Variants in MAST2 observed in about 807,000 individuals in gnomAD.
MAST2 encodes microtubule-associated serine/threonine-protein kinase 2.
In MAST2, 70 loss-of-function variants were observed where a neutral mutation model predicts 147.4. The observed-to-expected ratio is 0.47, with a 90% CI of 0.39 to 0.58. The LOEUF is 0.58. MAST2 is among the 20% of genes least tolerant of loss of function. The pLI is 0.00. For missense variants in MAST2, 2,080 were observed against 2,302.3 expected, an observed-to-expected ratio of 0.90 and a Z score of 1.98; for synonymous variants, 869 against 896.8, an observed-to-expected ratio of 0.97 and a Z score of 0.55.
At chr1:46,012,193 T>C (rs1175708728) in intron 10 of MAST2, among the ~76,000 whole-genome samples, 2 of 152,218 alleles carry the variant, frequency 1.3e-5, no homozygotes, top group African/African-American at 4.8e-5. Flanking sequence ...CAGAGACATA[T>C]AGGAATCAGG....
chr1:45,914,178 T>TA (rs1652102899), intron 4 of MAST2, among the ~76,000 whole-genome samples: 1 of 152,196 alleles, frequency 6.6e-6, no homozygotes, highest in African/African-American at 2.4e-5. Context: ...TATTTAAAGT[T>TA]AGTGTCAAGG....
intron 1 of MAST2, among the ~76,000 whole-genome samples, chr1:45,821,269 T>C (rs1159678907): frequency 6.6e-6 from 1 of 152,158 alleles, no homozygotes; most frequent in Admixed American, 6.5e-5. Flanking sequence ...CCTACTCACT[T>C]CTGGACTCCA....
At chr1:45,833,222 T>G (rs952427588) in intron 3 of MAST2, among the ~76,000 whole-genome samples, 1 of 152,204 alleles carries the variant, frequency 6.6e-6, no homozygotes, top group African/African-American at 2.4e-5. Flanking sequence ...CATTTTCTAA[T>G]GTTTATTGAG....
chr1:45,824,544 A>G lies in MAST2; in HGVS notation c.289A>G (p.Lys97Glu). The G allele has an allele frequency of 6.2e-7, 1 of 1,609,532 alleles. No homozygotes were observed. Among genetic ancestry groups the G allele is most frequent in the Non-Finnish European group, 8.5e-7 (1 of 1,177,248 alleles). Residue 97 changes from lysine to glutamate, a missense_variant, in exon 2 of 29, where the codon AAG (lysine) becomes GAG (glutamate). Physicochemically the swap from Lys to Glu is moderately conservative, Grantham distance 56. Coordinates refer to ENST00000361297, the MANE Select transcript of MAST2 (RefSeq NM_015112.3). Reference sequence around the variant, plus strand: ...GCGACAACTGAGTCAGGATGATTGTAAGTTATGGAGAGGAAACCTGGCCAG... The same window carrying G: ...GCGACAACTGAGTCAGGATGATTGTGAGTTATGGAGAGGAAACCTGGCCAG... Reference protein sequence around the residue: ...LQRQLSQDDCKLWRGNLASSL... With the variant: ...LQRQLSQDDCELWRGNLASSL...
At chr1:45,813,982 T>G (rs1335964209) in intron 1 of MAST2, among the ~76,000 whole-genome samples, 1 of 152,126 alleles carries the variant, frequency 6.6e-6, no homozygotes, top group Non-Finnish European at 1.5e-5. Context: ...GTTGAAAAAT[T>G]TCTATTGCCT....
intron 4 of MAST2, among the ~76,000 whole-genome samples, chr1:45,939,367 A>G (rs1357956658): frequency 1.3e-5 from 2 of 152,176 alleles, no homozygotes; most frequent in East Asian, 1.9e-4. Context: ...CCATTAATCT[A>G]TATGCCTATC....
intron 3 of MAST2, among the ~76,000 whole-genome samples, chr1:45,853,584 C>T (rs1645691722): frequency 1.3e-5 from 2 of 151,414 alleles, no homozygotes; most frequent in Non-Finnish European, 3.0e-5. Context: ...GAACTCCTGA[C>T]CTCAAGTGAT....
At chr1:46,008,449 G>C (rs1008022137) in intron 9 of MAST2, 78 bp downstream of exon 9, 3 of 919,680 alleles carry the variant, frequency 3.3e-6, no homozygotes, top group Non-Finnish European at 5.3e-6. Context: ...GGAGACTCTG[G>C]AGTGAAGGAA....
chr1:45,865,627 G>A (rs755126360), intron 3 of MAST2, among the ~76,000 whole-genome samples: 21 of 152,004 alleles, frequency 1.4e-4, no homozygotes, highest in Non-Finnish European at 1.9e-4. Context: ...CCATCCATCC[G>A]TCTGTCTGTC....
chr1:45,859,330 C>G (rs12145287), intron 3 of MAST2, among the ~76,000 whole-genome samples: 42,533 of 152,000 alleles, frequency 0.28, 6,125 homozygotes, highest in South Asian at 0.39. Context: ...AAACTCCTGG[C>G]CTCAAGTGAT....
At chr1:45,923,316 A>G (rs764171922) in intron 4 of MAST2, among the ~76,000 whole-genome samples, 18 of 152,102 alleles carry the variant, frequency 1.2e-4, no homozygotes, top group Admixed American at 7.2e-4. Context: ...TCTGTACCCC[A>G]CTGCAGCCGG....
In MAST2 at chr1:45,884,905, T is replaced by C. The variant is rs527430807; in HGVS notation, c.500+2510T>C. ...TACCTGATCTCTATGCTTAGTCATC[T>C]CCCCAAACAGTTAAAGTTCCATGGT... On this transcript the variant is annotated intron_variant, in intron 4 of 28. Transcript: ENST00000361297. 6.0e-4 allele frequency among the ~76,000 whole-genome samples: 91 copies of C among 152,254 alleles called. 1 individual carries two copies. The South Asian group carries it at 0.018, about 31-fold the overall frequency.
At chr1:45,971,617 C>T (rs1643917149) in intron 5 of MAST2, among the ~76,000 whole-genome samples, 1 of 152,196 alleles carries the variant, frequency 6.6e-6, no homozygotes, top group African/African-American at 2.4e-5. Flanking sequence ...AGTTTAACAT[C>T]ATGCTCACTG....
chr1:45,981,162 C>G (rs961751099), intron 5 of MAST2, among the ~76,000 whole-genome samples: 2 of 151,920 alleles, frequency 1.3e-5, no homozygotes, highest in Admixed American at 6.6e-5. Context: ...ACCTCTGCCT[C>G]CCATGTTCAA....
At position 45,833,036 on chromosome 1, in the gene MAST2, C is replaced by T. The variant is rs537550138; in HGVS notation, c.468+3455C>T. 2.8e-5 allele frequency among the ~76,000 whole-genome samples: 4 copies of T among 140,484 alleles called. No individual in the cohort carries two copies. The East Asian group carries it at 8.9e-4, about 31-fold the overall frequency. The allele number at this position is 140,484 out of a possible 152,430, so 92.2% of individuals were successfully genotyped here. On this transcript the variant is annotated intron_variant, in intron 3 of 28. Transcript: ENST00000361297. ...CCTATTCTGTATTTTTCATATAAATCAAATCAAATATGTGGCCTTTTGTGG... is the reference window on the plus strand; with the variant it reads ...CCTATTCTGTATTTTTCATATAAATTAAATCAAATATGTGGCCTTTTGTGG...
intron 4 of MAST2, among the ~76,000 whole-genome samples, chr1:45,925,421 T>A (rs1342107193): frequency 6.6e-6 from 1 of 152,222 alleles, no homozygotes; most frequent in African/African-American, 2.4e-5. Flanking sequence ...CATTTGCATG[T>A]CTTCTAAGAA....
At chr1:45,813,862 G>A (rs950714008) in intron 1 of MAST2, among the ~76,000 whole-genome samples, 1 of 152,052 alleles carries the variant, frequency 6.6e-6, no homozygotes, top group Non-Finnish European at 1.5e-5. Context: ...ATGTTGCCCA[G>A]GCTGGTCTTG....
chr1:45,956,910 A>G, intron 4 of MAST2, among the ~76,000 whole-genome samples: 1 of 152,218 alleles, frequency 6.6e-6, no homozygotes, highest in East Asian at 1.9e-4. Flanking sequence ...ATAAATGCAA[A>G]GCAAAGTGCA....
intron 5 of MAST2, among the ~76,000 whole-genome samples, chr1:45,959,772 C>T (rs1169842831): frequency 6.6e-6 from 1 of 152,142 alleles, no homozygotes; most frequent in Admixed American, 6.5e-5. Flanking sequence ...TAGTGTGTTA[C>T]AGCTCCATTC....
Sources: gnomAD v4.1 joint callset for allele counts (sites outside exome capture counted in the v4.1 genomes callset) on GRCh38, gnomAD v4.1.1 for gene constraint, MANE v1.5 for transcripts, NCBI Gene and HGNC (gene_info 2026-07-23, HGNC 2026-07-21) for gene names.